ZNF892: variants seen among roughly 807,000 people sequenced by gnomAD.
ZNF892 encodes zinc finger protein 570-like.
chr2:95,216,538 A>G, the ZNF892 span, among the ~76,000 whole-genome samples: 4 of 152,220 alleles, frequency 2.6e-5, no homozygotes, highest in African/African-American at 4.8e-5. Context: ...CTGACACTGC[A>G]TATTAGATTA....
At chr2:95,210,101 G>A in the ZNF892 span, among the ~76,000 whole-genome samples, 88 of 147,742 alleles carry the variant, frequency 6.0e-4, no homozygotes, top group South Asian at 0.01. Flanking sequence ...ATATATGTGT[G>A]TATATGTGTG....
the ZNF892 span, among the ~76,000 whole-genome samples, chr2:95,221,417 A>G: frequency 5.9e-5 from 9 of 152,270 alleles, 1 homozygote; most frequent in African/African-American, 1.9e-4. Flanking sequence ...CTGATGTTAA[A>G]GAATCCTCGC....
the ZNF892 span, among the ~76,000 whole-genome samples, chr2:95,243,756 C>G: frequency 6.7e-6 from 1 of 149,972 alleles, no homozygotes; most frequent in East Asian, 2.0e-4. Context: ...CCGCCCCGTC[C>G]GGGAGGTGAG....
chr2:95,207,275 T>C, the ZNF892 span, among the ~76,000 whole-genome samples: 3 of 152,158 alleles, frequency 2.0e-5, no homozygotes, highest in Non-Finnish European at 4.4e-5. Context: ...GTAGCGGAGA[T>C]GCGAAAAGTC....
At chr2:95,251,011 TTTA>T in the ZNF892 span, among the ~76,000 whole-genome samples, 3 of 149,584 alleles carry the variant, frequency 2.0e-5, no homozygotes, top group East Asian at 3.9e-4. Context: ...TACATAAATA[TTTA>T]TTATTTATGT....
At chr2:95,207,962 C>A in the ZNF892 span, 2 of 397,188 alleles carry the variant, frequency 5.0e-6, no homozygotes, top group Non-Finnish European at 8.9e-6. Context: ...GCCGGTCTCA[C>A]TTGGGGTTTT....
chr2:95,260,411 C>T, the ZNF892 span, among the ~76,000 whole-genome samples: 2 of 152,124 alleles, frequency 1.3e-5, no homozygotes, highest in African/African-American at 4.8e-5. Flanking sequence ...CCAGCCATCC[C>T]CCTCAGCTCT....
the ZNF892 span, among the ~76,000 whole-genome samples, chr2:95,244,766 C>T: frequency 1.3e-5 from 2 of 152,182 alleles, no homozygotes; most frequent in African/African-American, 2.4e-5. Flanking sequence ...GGCATATACT[C>T]TAAAATTGAT....
chr2:95,248,389 A>T, the ZNF892 span, among the ~76,000 whole-genome samples: 1 of 152,176 alleles, frequency 6.6e-6, no homozygotes, highest in Admixed American at 6.5e-5. Flanking sequence ...ACTATTGAGC[A>T]CTATGCTCAG....
the ZNF892 span, among the ~76,000 whole-genome samples, chr2:95,220,548 C>T: frequency 6.6e-6 from 1 of 152,058 alleles, no homozygotes; most frequent in African/African-American, 2.4e-5. Flanking sequence ...TATAATATCC[C>T]GGATTTTTAG....
At chr2:95,243,003 C>T in the ZNF892 span, among the ~76,000 whole-genome samples, 1 of 152,238 alleles carries the variant, frequency 6.6e-6, no homozygotes, top group African/African-American at 2.4e-5. Flanking sequence ...GCGCGCGCCG[C>T]CACGCCTGAC....
the ZNF892 span, among the ~76,000 whole-genome samples, chr2:95,237,401 G>A: frequency 5.3e-5 from 8 of 152,056 alleles, no homozygotes; most frequent in Admixed American, 6.5e-5. Flanking sequence ...TGCTATTATT[G>A]TAGCTGTTTG....
chr2:95,257,080 G>T, the ZNF892 span, among the ~76,000 whole-genome samples: 1 of 152,220 alleles, frequency 6.6e-6, no homozygotes, highest in Non-Finnish European at 1.5e-5. Context: ...ATTTGTCAAA[G>T]TCATTCTGTG....
chr2:95,217,394 G>A, the ZNF892 span, among the ~76,000 whole-genome samples: 2 of 152,124 alleles, frequency 1.3e-5, no homozygotes, highest in Admixed American at 6.5e-5. Flanking sequence ...TGCAGAATAC[G>A]TTTATTCCAT....
the ZNF892 span, among the ~76,000 whole-genome samples, chr2:95,244,541 G>A: frequency 6.6e-6 from 1 of 152,070 alleles, no homozygotes; most frequent in African/African-American, 2.4e-5. Context: ...TATTCATAAA[G>A]CAAGTTCTTA....
chr2:95,236,074 T>C, the ZNF892 span, among the ~76,000 whole-genome samples: 1 of 152,148 alleles, frequency 6.6e-6, no homozygotes, highest in African/African-American at 2.4e-5. Flanking sequence ...TCAGGCTGGT[T>C]TAGTCAGGGG....
the ZNF892 span, among the ~76,000 whole-genome samples, chr2:95,217,288 T>C: frequency 6.6e-6 from 1 of 152,194 alleles, no homozygotes; most frequent in Admixed American, 6.5e-5. Flanking sequence ...TGAATTCACA[T>C]TGGGGATTAG....
chr2:95,244,203 G>GCGGAAGGC, the ZNF892 span, among the ~76,000 whole-genome samples: 1 of 149,184 alleles, frequency 6.7e-6, no homozygotes, highest in Non-Finnish European at 1.5e-5. Context: ...CACAAACACT[G>GCGGAAGGC]CGGAAGGCCG....
At chr2:95,219,544 C>G in the ZNF892 span, among the ~76,000 whole-genome samples, 3 of 152,138 alleles carry the variant, frequency 2.0e-5, no homozygotes, top group Non-Finnish European at 4.4e-5. Flanking sequence ...TGCAGGTTAT[C>G]CTAACATCTG....
Sources: gnomAD v4.1 joint callset for allele counts (sites outside exome capture counted in the v4.1 genomes callset) on GRCh38, gnomAD v4.1.1 for gene constraint, MANE v1.5 for transcripts, NCBI Gene and HGNC (gene_info 2026-07-23, HGNC 2026-07-21) for gene names.